The following SLC24A2 variants were observed in gnomAD, a reference collection of about 807,000 sequenced individuals.
SLC24A2 encodes sodium/potassium/calcium exchanger 2.
In SLC24A2, 36 loss-of-function variants were observed where a neutral mutation model predicts 62.0. That is an observed-to-expected ratio of 0.58 (90% CI 0.44 to 0.77). The LOEUF (loss-of-function observed/expected upper bound fraction) is 0.77. Among genes scored for constraint, SLC24A2 ranks in the 30% least tolerant of loss-of-function variants. SLC24A2 has a pLI of 0.00. For synonymous variants in SLC24A2, 358 were observed against 294.0 expected (o/e 1.22, Z -2.23); for missense variants, 846 against 817.9 (o/e 1.03, Z -0.42).
chr9:20,140,418 C>T, the SLC24A2 span, among the ~76,000 whole-genome samples: 1 of 152,212 alleles, frequency 6.6e-6, no homozygotes, highest in East Asian at 1.9e-4. Context: ...TAGCTGGGCA[C>T]AGCTGCAAGT....
intron 2 of SLC24A2, among the ~76,000 whole-genome samples, chr9:19,711,057 T>C (rs1820700908): frequency 6.6e-6 from 1 of 152,204 alleles, no homozygotes; most frequent in African/African-American, 2.4e-5. Context: ...AAATATTTTC[T>C]AGAAGCAAAA....
At chr9:19,646,934 C>T (rs992425148) in intron 2 of SLC24A2, among the ~76,000 whole-genome samples, 4 of 152,054 alleles carry the variant, frequency 2.6e-5, no homozygotes, top group Admixed American at 6.6e-5. Flanking sequence ...CTATCTGTGG[C>T]CCATTCCCCT....
chr9:20,208,573 A>T, the SLC24A2 span, among the ~76,000 whole-genome samples: 2 of 152,240 alleles, frequency 1.3e-5, no homozygotes, highest in East Asian at 1.9e-4. Context: ...ATTTATCATA[A>T]ATGTTTCACC....
At chr9:20,060,861 T>C in the SLC24A2 span, among the ~76,000 whole-genome samples, 241 of 152,300 alleles carry the variant, frequency 1.6e-3, no homozygotes, top group African/African-American at 5.7e-3. Context: ...AAGATCAATA[T>C]GCAAAACTTA....
At chr9:20,170,493 G>A in the SLC24A2 span, among the ~76,000 whole-genome samples, 1 of 152,004 alleles carries the variant, frequency 6.6e-6, no homozygotes, top group African/African-American at 2.4e-5. Context: ...AACATGGAAG[G>A]CAAGGGGGAC....
At chr9:19,732,665 G>A (rs943936798) in intron 2 of SLC24A2, among the ~76,000 whole-genome samples, 2 of 152,028 alleles carry the variant, frequency 1.3e-5, no homozygotes, top group Admixed American at 6.6e-5. Context: ...CCTCTCCCCC[G>A]TGTCTGTGCT....
At chr9:20,053,140 T>A in the SLC24A2 span, among the ~76,000 whole-genome samples, 1 of 152,330 alleles carries the variant, frequency 6.6e-6, no homozygotes, top group African/African-American at 2.4e-5. Flanking sequence ...AATGATGTGT[T>A]TGTTGATTTC....
intron 2 of SLC24A2, among the ~76,000 whole-genome samples, chr9:19,645,556 G>A (rs1818617278): frequency 6.6e-6 from 1 of 152,156 alleles, no homozygotes; most frequent in African/African-American, 2.4e-5. Flanking sequence ...AATGAAGGGT[G>A]TGGAAGAGAT....
At chr9:19,851,172 C>A in the SLC24A2 span, among the ~76,000 whole-genome samples, 640 of 148,914 alleles carry the variant, frequency 4.3e-3, 5 homozygotes, top group African/African-American at 0.015. Context: ...TGTAGGAGCC[C>A]ACCACCATGC....
chr9:20,195,800 T>A, the SLC24A2 span, among the ~76,000 whole-genome samples: 2 of 150,610 alleles, frequency 1.3e-5, no homozygotes, highest in African/African-American at 4.9e-5. Context: ...TGGCATACAT[T>A]AAAATAACAA....
chr9:20,102,919 G>A, the SLC24A2 span, among the ~76,000 whole-genome samples: 5 of 152,162 alleles, frequency 3.3e-5, no homozygotes, highest in Non-Finnish European at 7.4e-5. Flanking sequence ...GAAGCTCAAG[G>A]GATCAGGGAG....
chr9:20,234,238 G>A, the SLC24A2 span, among the ~76,000 whole-genome samples: 1 of 152,018 alleles, frequency 6.6e-6, no homozygotes, highest in Admixed American at 6.6e-5. Context: ...TATCTTTGTG[G>A]CGTTCTCTGT....
At chr9:19,819,998 T>TAC in the SLC24A2 span, among the ~76,000 whole-genome samples, 2 of 134,102 alleles carry the variant, frequency 1.5e-5, no homozygotes, top group African/African-American at 5.9e-5. Flanking sequence ...CTGCAGTATA[T>TAC]ATATATATGT....
At chr9:20,261,733 CTTTTTT>C in the SLC24A2 span, among the ~76,000 whole-genome samples, 3 of 75,282 alleles carry the variant, frequency 4.0e-5, no homozygotes, top group Admixed American at 2.1e-4. Flanking sequence ...AACACCAAAT[CTTTTTT>C]TTTTTTTTTT....
the SLC24A2 span, among the ~76,000 whole-genome samples, chr9:19,921,322 G>C: frequency 4.6e-5 from 7 of 152,006 alleles, no homozygotes; most frequent in South Asian, 4.2e-4. Flanking sequence ...AGGAGATCGA[G>C]ACCATCCTGG....
the SLC24A2 span, among the ~76,000 whole-genome samples, chr9:19,862,490 C>A: frequency 6.6e-6 from 1 of 152,050 alleles, no homozygotes; most frequent in Admixed American, 6.6e-5. Context: ...AATAAGAAAT[C>A]ACCTGAAGGT....
chr9:20,153,300 C>A, the SLC24A2 span, among the ~76,000 whole-genome samples: 1 of 151,836 alleles, frequency 6.6e-6, no homozygotes, highest in Admixed American at 6.6e-5. Flanking sequence ...TCCAAAGCAT[C>A]CTTCTTGATA....
At chr9:20,230,869 C>G in the SLC24A2 span, among the ~76,000 whole-genome samples, 1 of 152,150 alleles carries the variant, frequency 6.6e-6, no homozygotes, top group Non-Finnish European at 1.5e-5. Flanking sequence ...GGTTTTAGGT[C>G]TAACATGTAA....
the SLC24A2 span, among the ~76,000 whole-genome samples, chr9:19,810,272 A>C: frequency 6.6e-6 from 1 of 152,216 alleles, no homozygotes; most frequent in African/African-American, 2.4e-5. Flanking sequence ...GGAAGTTTGG[A>C]CATCCACAGC....
Sources: allele counts gnomAD v4.1 joint callset (sites outside exome capture counted in the v4.1 genomes callset), GRCh38; gene constraint gnomAD v4.1.1; transcripts MANE v1.5; gene names NCBI Gene and HGNC (gene_info 2026-07-23, HGNC 2026-07-21).